The following TOX variants were observed in gnomAD, a reference collection of about 807,000 sequenced individuals.
TOX encodes thymocyte selection-associated high mobility group box protein TOX.
Under a neutral mutation model 53.7 loss-of-function variants are expected in TOX, and 11 were observed. The ratio of observed to expected loss-of-function variants is 0.20; its 90% CI spans 0.13 to 0.34. The LOEUF (loss-of-function observed/expected upper bound fraction) is 0.34, where lower values mean the gene tolerates loss of function less well. Among genes scored for constraint, TOX ranks in the 10% least tolerant of loss-of-function variants. The probability of loss-of-function intolerance (pLI) is 1.00; values close to 1 mark genes in which losing one functional copy is unlikely to be tolerated. For synonymous variants in TOX, 225 were observed against 245.3 expected (o/e 0.92, Z 0.77); for missense variants, 570 against 664.6 (o/e 0.86, Z 1.56).
rs182531543 is a variant in TOX, at chr8:59,114,110, G to A, written c.102+4776C>T. Among the ~76,000 whole-genome samples the A allele has an allele frequency of 3.8e-3, 571 of 152,192 alleles. 4 individuals carry two copies. The highest frequency in any genetic ancestry group is 0.013 in the African/African-American group (542 of 41,512). On this transcript the variant is annotated intron_variant, in intron 1 of 8. Transcript: ENST00000361421. ...ACTGGAAATTTCCCTACTTCTTCCT[G>A]TTCCACTGTTCTTAATTCCCTTGCA...
intron 3 of TOX, among the ~76,000 whole-genome samples, chr8:58,890,963 G>C (rs1285092896): frequency 6.6e-6 from 1 of 152,086 alleles, no homozygotes; most frequent in African/African-American, 2.4e-5. Flanking sequence ...AGTCCAACAG[G>C]ATCTTAGAGA....
chr8:59,083,395 A>G (rs1804446673), intron 1 of TOX, among the ~76,000 whole-genome samples: 1 of 152,232 alleles, frequency 6.6e-6, no homozygotes, highest in Non-Finnish European at 1.5e-5. Flanking sequence ...CAACAATCAA[A>G]TAATATTTTA....
chr8:59,109,311 A>T (rs138927061), intron 1 of TOX, among the ~76,000 whole-genome samples: 6 of 152,312 alleles, frequency 3.9e-5, no homozygotes, highest in African/African-American at 1.2e-4. Flanking sequence ...ATGGGAGAAG[A>T]TTACTATGAA....
intron 3 of TOX, among the ~76,000 whole-genome samples, chr8:58,872,986 C>A (rs1243522507): frequency 6.6e-6 from 1 of 151,972 alleles, no homozygotes; most frequent in Non-Finnish European, 1.5e-5. Context: ...AGTATTTTCA[C>A]AATATTTTTT....
intron 2 of TOX, among the ~76,000 whole-genome samples, chr8:58,948,567 A>T (rs1429862562): frequency 1.3e-5 from 2 of 152,214 alleles, no homozygotes; most frequent in East Asian, 1.9e-4. Context: ...GAGAGACCAG[A>T]TTCAAGTGAA....
At chr8:58,873,958 C>CTCTTTTTTTTTT (rs1491588338) in intron 3 of TOX, among the ~76,000 whole-genome samples, 3 of 40,136 alleles carry the variant, frequency 7.5e-5, no homozygotes, top group Admixed American at 7.1e-4. Flanking sequence ...TGCCAGGAAG[C>CTCTTTTTTTTTT]TTTTTTTTTT....
chr8:58,998,536 T>TATATAA (rs1554537360), intron 1 of TOX, among the ~76,000 whole-genome samples: 1 of 37,756 alleles, frequency 2.6e-5, no homozygotes, highest in Non-Finnish European at 4.3e-5. Context: ...TATATATATA[T>TATATAA]ATAAATTTAT....
intron 3 of TOX, among the ~76,000 whole-genome samples, chr8:58,927,717 C>A (rs1320600291): frequency 6.6e-6 from 1 of 152,152 alleles, no homozygotes; most frequent in Non-Finnish European, 1.5e-5. Flanking sequence ...AGACCACAAC[C>A]TATGGGGGTT....
intron 1 of TOX, among the ~76,000 whole-genome samples, chr8:59,047,316 A>G (rs1803708387): frequency 7.2e-6 from 1 of 138,576 alleles, no homozygotes; most frequent in Non-Finnish European, 1.5e-5. Context: ...TCCTGGGTTC[A>G]TGCCATTCTC....
At chr8:58,975,586 G>C (rs530679832) in intron 1 of TOX, among the ~76,000 whole-genome samples, 1 of 152,104 alleles carries the variant, frequency 6.6e-6, no homozygotes, top group Middle Eastern at 3.2e-3. Context: ...TTAAGTGTGT[G>C]ATAGAATTAT....
At chr8:58,821,303 C>T (rs1810271878) in intron 6 of TOX, among the ~76,000 whole-genome samples, 1 of 152,048 alleles carries the variant, frequency 6.6e-6, no homozygotes, top group African/African-American at 2.4e-5. Context: ...TTCCCCCCTC[C>T]TTTCTATACC....
intron 1 of TOX, among the ~76,000 whole-genome samples, chr8:59,094,572 T>C (rs1389296962): frequency 6.6e-6 from 1 of 151,584 alleles, no homozygotes; most frequent in East Asian, 1.9e-4. Flanking sequence ...GGGGTTTTCA[T>C]TATTATATTT....
intron 2 of TOX, among the ~76,000 whole-genome samples, chr8:58,942,310 A>G (rs1264320367): frequency 1.3e-5 from 2 of 152,164 alleles, no homozygotes. Context: ...TTGTATTGCA[A>G]TTGAGTTAAG....
At chr8:59,044,235 A>G (rs2129420922) in intron 1 of TOX, among the ~76,000 whole-genome samples, 1 of 152,054 alleles carries the variant, frequency 6.6e-6, no homozygotes, top group Non-Finnish European at 1.5e-5. Flanking sequence ...CTCATCAAAA[A>G]AAAAAAAAAA....
In TOX at chr8:59,007,035, C is replaced by T. The variant is rs1269482139; in HGVS notation, c.103-47027G>A. The stretch of plus-strand genomic sequence containing the variant: ...ATTGAATCCTGTTGAAATTGGGCAA[C>T]AAAATCCTTGTCTGCAAAGTTTAAG... On this transcript the variant is annotated intron_variant, in intron 1 of 8. Coordinates refer to ENST00000361421, the MANE Select transcript of TOX (RefSeq NM_014729.3). Among the ~76,000 whole-genome samples, 12 of 152,294 alleles carry T rather than the reference C, an allele frequency of 7.9e-5. No homozygotes were observed. In the East Asian group the frequency reaches 1.2e-3, roughly 15 times the overall value.
intron 1 of TOX, among the ~76,000 whole-genome samples, chr8:59,064,361 A>G (rs758574116): frequency 4.3e-4 from 66 of 152,224 alleles, no homozygotes; most frequent in Non-Finnish European, 6.3e-4. Context: ...ATATTTTTAA[A>G]AAATCACTTT....
chr8:59,014,067 T>A (rs553671293), intron 1 of TOX, among the ~76,000 whole-genome samples: 1 of 152,344 alleles, frequency 6.6e-6, no homozygotes, highest in South Asian at 2.1e-4. Context: ...ATAGTCATTG[T>A]TTTAGAAATG....
intron 1 of TOX, among the ~76,000 whole-genome samples, chr8:58,988,730 T>G (rs553210267): frequency 2.1e-3 from 313 of 152,290 alleles, no homozygotes; most frequent in African/African-American, 7.0e-3. Context: ...CTTCTCAACC[T>G]CCAATATGCC....
intron 1 of TOX, among the ~76,000 whole-genome samples, chr8:58,979,541 A>G (rs1054307280): frequency 1.3e-5 from 2 of 152,304 alleles, no homozygotes; most frequent in Admixed American, 6.5e-5. Flanking sequence ...AATTATTCGT[A>G]ATTTTTCAAT....
Sources: gnomAD v4.1 joint callset for allele counts (sites outside exome capture counted in the v4.1 genomes callset) on GRCh38, gnomAD v4.1.1 for gene constraint, MANE v1.5 for transcripts, NCBI Gene and HGNC (gene_info 2026-07-23, HGNC 2026-07-21) for gene names.